OSBPL10: variants seen among roughly 807,000 people sequenced by gnomAD.
OSBPL10 encodes oxysterol-binding protein-related protein 10.
In OSBPL10, 49 loss-of-function variants were observed where a neutral mutation model predicts 81.7. That is an observed-to-expected ratio of 0.60 (90% CI 0.48 to 0.76). The LOEUF (loss-of-function observed/expected upper bound fraction) is 0.76, where lower values mean the gene tolerates loss of function less well. OSBPL10 is among the 30% of genes least tolerant of loss of function. The probability of loss-of-function intolerance (pLI) is 0.00; values close to 1 mark genes in which losing one functional copy is unlikely to be tolerated. For missense variants in OSBPL10, 923 were observed against 987.8 expected (o/e 0.93, Z 0.88); for synonymous variants, 419 against 383.6 (o/e 1.09, Z -1.08).
At chr3:31,837,442 A>C (rs529712333) in intron 3 of OSBPL10, among the ~76,000 whole-genome samples, 2 of 146,448 alleles carry the variant, frequency 1.4e-5, no homozygotes, top group Non-Finnish European at 3.0e-5. Context: ...AAATCTGAAA[A>C]CAAGGAATAA....
intron 6 of OSBPL10, among the ~76,000 whole-genome samples, chr3:31,707,680 C>G (rs1382609525): frequency 3.3e-5 from 5 of 152,158 alleles, no homozygotes; most frequent in Non-Finnish European, 5.9e-5. Context: ...GCACCATGCT[C>G]AGATATCCTC....
chr3:31,796,095 A>C (rs768408414), intron 4 of OSBPL10: 4 of 171,182 alleles, frequency 2.3e-5, no homozygotes, highest in Non-Finnish European at 5.4e-5. Context: ...CCTGGAGATC[A>C]GTGCAAGGAA....
intron 2 of OSBPL10, among the ~76,000 whole-genome samples, chr3:32,003,399 G>A (rs758562441): frequency 2.0e-5 from 3 of 152,206 alleles, no homozygotes; most frequent in Non-Finnish European, 4.4e-5. Flanking sequence ...TTGCAAAGCT[G>A]ATCCCTGTGT....
chr3:31,909,982 CT>C (rs563373548), intron 1 of OSBPL10, among the ~76,000 whole-genome samples: 29,350 of 129,208 alleles, frequency 0.23, 4,324 homozygotes, highest in African/African-American at 0.45. Flanking sequence ...GTCTCCTGGC[CT>C]TTTTTTTTTT....
At chr3:31,913,915 G>T (rs952860831) in intron 1 of OSBPL10, among the ~76,000 whole-genome samples, 19 of 151,978 alleles carry the variant, frequency 1.3e-4, no homozygotes, top group Non-Finnish European at 2.4e-4. Context: ...TTTATTTTTT[G>T]ATTGTTTGTT....
intron 4 of OSBPL10, among the ~76,000 whole-genome samples, chr3:31,804,481 A>C (rs73059404): frequency 0.12 from 17,659 of 152,208 alleles, 1,115 homozygotes; most frequent in Middle Eastern, 0.15. Context: ...TGTCATCATC[A>C]ATCAGCAAAA....
In OSBPL10 at chr3:31,743,225, G is replaced by A. The variant is rs558605107; in HGVS notation, c.940+4685C>T. Among the ~76,000 whole-genome samples the A allele has an allele frequency of 1.4e-3, 207 of 151,930 alleles. 1 individual carries two copies. The highest frequency in any genetic ancestry group is 4.8e-3 in the African/African-American group (198 of 41,422). On this transcript the variant is annotated intron_variant, in intron 5 of 11. Transcript: ENST00000396556. Reference sequence around the variant, plus strand: ...CCAGATAATTTTTGTATCTTTAGTAGAGATGTGATTTCATCATGTTGGTAA... The same window carrying A: ...CCAGATAATTTTTGTATCTTTAGTAAAGATGTGATTTCATCATGTTGGTAA...
intron 2 of OSBPL10, among the ~76,000 whole-genome samples, chr3:32,014,714 A>C (rs144270490): frequency 0.025 from 3,877 of 152,286 alleles, 147 homozygotes; most frequent in East Asian, 0.1. Flanking sequence ...CTCAGCCCAA[A>C]ATCTCCATAA....
intron 4 of OSBPL10, 30 bp downstream of exon 4, chr3:31,830,010 T>C (rs1700197922): frequency 2.5e-6 from 4 of 1,585,126 alleles, no homozygotes; most frequent in Non-Finnish European, 3.4e-6. Flanking sequence ...TCCCCGGGGC[T>C]GCTTAACCTA....
At chr3:31,802,991 T>TAA (rs200778431) in intron 4 of OSBPL10, among the ~76,000 whole-genome samples, 2 of 139,478 alleles carry the variant, frequency 1.4e-5, no homozygotes, top group Admixed American at 7.0e-5. Flanking sequence ...TTTTTTTTTT[T>TAA]ACAGCATCTA....
intron 4 of OSBPL10, among the ~76,000 whole-genome samples, chr3:31,783,111 T>TATA (rs1553625095): frequency 8.2e-6 from 1 of 121,688 alleles, no homozygotes; most frequent in African/African-American, 3.7e-5. Flanking sequence ...AATATATCTA[T>TATA]TATATATATA....
intron 1 of OSBPL10, among the ~76,000 whole-genome samples, chr3:31,919,868 T>C (rs1244768193): frequency 6.6e-6 from 1 of 152,220 alleles, no homozygotes; most frequent in African/African-American, 2.4e-5. Context: ...ACTTTTTTAT[T>C]AGAGGATAAT....
chr3:31,883,025 G>C (rs147642671), intron 1 of OSBPL10, among the ~76,000 whole-genome samples: 3 of 152,150 alleles, frequency 2.0e-5, no homozygotes, highest in Non-Finnish European at 4.4e-5. Context: ...AGTGCTGACT[G>C]CCTTGAGGAG....
At chr3:31,697,770 T>C (rs1002609509) in intron 7 of OSBPL10, among the ~76,000 whole-genome samples, 2 of 139,914 alleles carry the variant, frequency 1.4e-5, no homozygotes, top group African/African-American at 2.5e-5. Context: ...CTTCCTCCTC[T>C]TTTTTTTTTT....
intron 1 of OSBPL10, among the ~76,000 whole-genome samples, chr3:31,952,543 T>C (rs1178827765): frequency 6.6e-6 from 1 of 152,208 alleles, no homozygotes; most frequent in Non-Finnish European, 1.5e-5. Context: ...GTCCCCACTG[T>C]ACCTTCAGGC....
chr3:31,794,640 G>C, intron 4 of OSBPL10: 1 of 328,520 alleles, frequency 3.0e-6, no homozygotes, highest in Non-Finnish European at 6.1e-6. Context: ...TGGGTTGTTG[G>C]TGTGGAGTGA....
intron 1 of OSBPL10, among the ~76,000 whole-genome samples, chr3:31,911,879 C>T (rs1437798919): frequency 6.6e-6 from 1 of 152,122 alleles, no homozygotes; most frequent in Non-Finnish European, 1.5e-5. Flanking sequence ...TTATGAATAA[C>T]AGTCTCAACT....
At chr3:31,775,534 G>A (rs1326726736) in intron 4 of OSBPL10, among the ~76,000 whole-genome samples, 6 of 152,148 alleles carry the variant, frequency 3.9e-5, no homozygotes, top group East Asian at 1.9e-4. Context: ...AGGTCTGAGC[G>A]TGGGAGGGAG....
chr3:31,905,745 C>T (rs1260473410), intron 1 of OSBPL10, among the ~76,000 whole-genome samples: 1 of 151,778 alleles, frequency 6.6e-6, no homozygotes, highest in Non-Finnish European at 1.5e-5. Flanking sequence ...TAAGCATTGA[C>T]TATGATATTA....
Sources: gnomAD v4.1 joint callset for allele counts (sites outside exome capture counted in the v4.1 genomes callset) on GRCh38, gnomAD v4.1.1 for gene constraint, MANE v1.5 for transcripts, NCBI Gene and HGNC (gene_info 2026-07-23, HGNC 2026-07-21) for gene names.